The following KHDRBS3 variants were observed in gnomAD, a reference collection of about 807,000 sequenced individuals.
KHDRBS3 encodes KH RNA binding domain containing, signal transduction associated 3, also known as KH domain-containing, RNA-binding, signal transduction-associated protein 3.
KHDRBS3 carries 23 observed loss-of-function variants against 45.6 expected under a neutral mutation model. That is an observed-to-expected ratio of 0.50 (90% CI 0.36 to 0.72). The LOEUF is 0.72. Among genes scored for constraint, KHDRBS3 ranks in the 30% least tolerant of loss-of-function variants. The probability of loss-of-function intolerance (pLI) is 0.00; values close to 1 mark genes in which losing one functional copy is unlikely to be tolerated. For missense variants in KHDRBS3, 352 were observed against 424.8 expected (o/e 0.83, Z 1.51); for synonymous variants, 162 against 156.5 (o/e 1.04, Z -0.26).
At chr8:135,459,858 A>C (rs1283135942) in intron 1 of KHDRBS3, among the ~76,000 whole-genome samples, 1 of 152,166 alleles carries the variant, frequency 6.6e-6, no homozygotes, top group East Asian at 1.9e-4. Flanking sequence ...GTTGCCATTT[A>C]GTGTTTTTTA....
chr8:135,557,229 T>C (rs1826931420), intron 4 of KHDRBS3, among the ~76,000 whole-genome samples: 1 of 152,254 alleles, frequency 6.6e-6, no homozygotes, highest in South Asian at 2.1e-4. Context: ...TGGCTGATTA[T>C]AGAAAATTTT....
chr8:135,460,260 G>A (rs751896907), intron 1 of KHDRBS3, among the ~76,000 whole-genome samples: 22 of 152,264 alleles, frequency 1.4e-4, no homozygotes, highest in Non-Finnish European at 2.9e-4. Flanking sequence ...GCACTAAATT[G>A]TAGAATGGGC....
intron 7 of KHDRBS3, among the ~76,000 whole-genome samples, chr8:135,629,626 A>G (rs1416342202): frequency 6.6e-6 from 1 of 152,198 alleles, no homozygotes; most frequent in Non-Finnish European, 1.5e-5. Context: ...CATAACAATA[A>G]TGGACTTTGT....
chr8:135,524,808 A>T (rs988313560), intron 2 of KHDRBS3, among the ~76,000 whole-genome samples: 10 of 151,950 alleles, frequency 6.6e-5, no homozygotes, highest in African/African-American at 2.4e-4. Flanking sequence ...ATTTTTTTAT[A>T]TCAGGAATCA....
intron 1 of KHDRBS3, among the ~76,000 whole-genome samples, chr8:135,513,294 A>G (rs868505669): frequency 2.6e-5 from 4 of 152,190 alleles, no homozygotes; most frequent in Admixed American, 6.5e-5. Context: ...CCCCTCAAGA[A>G]CTTACTGTCT....
chr8:135,644,142 C>T (rs1346341307), intron 7 of KHDRBS3, among the ~76,000 whole-genome samples: 48 of 152,154 alleles, frequency 3.2e-4, no homozygotes, highest in Admixed American at 3.1e-3. Flanking sequence ...ATGGTTATGG[C>T]TGAGTAATCT....
intron 6 of KHDRBS3, among the ~76,000 whole-genome samples, chr8:135,604,001 G>C (rs1355774315): frequency 2.6e-5 from 4 of 151,772 alleles, no homozygotes; most frequent in Non-Finnish European, 4.4e-5. Context: ...CTGAAAGTGT[G>C]TTGATGAAGT....
At chr8:135,538,883 G>A (rs1472361199) in intron 2 of KHDRBS3, 3 of 151,962 alleles carry the variant, frequency 2.0e-5, no homozygotes, top group African/African-American at 7.3e-5. Flanking sequence ...TTCTTGTTGC[G>A]AATACCGACT....
At chr8:135,528,741 T>C (rs1349945825) in intron 2 of KHDRBS3, among the ~76,000 whole-genome samples, 1 of 152,198 alleles carries the variant, frequency 6.6e-6, no homozygotes, top group East Asian at 1.9e-4. Context: ...GCCACCTGCA[T>C]TTGGTGTGTG....
intron 7 of KHDRBS3, among the ~76,000 whole-genome samples, chr8:135,620,972 G>A (rs966215913): frequency 2.6e-5 from 4 of 152,170 alleles, no homozygotes; most frequent in African/African-American, 9.7e-5. Context: ...ATCTATGTGT[G>A]TTCTTCAGTT....
intron 5 of KHDRBS3, among the ~76,000 whole-genome samples, chr8:135,568,538 A>G (rs1323377295): frequency 9.9e-5 from 15 of 152,240 alleles, no homozygotes; most frequent in Non-Finnish European, 1.2e-4. Flanking sequence ...AGAATAATGC[A>G]TTATAAAAGG....
chr8:135,522,281 A>G (rs1824952977), intron 2 of KHDRBS3, among the ~76,000 whole-genome samples: 1 of 152,086 alleles, frequency 6.6e-6, no homozygotes, highest in South Asian at 2.1e-4. Context: ...ACATGATCTC[A>G]TTCCTCTTTA....
At chr8:135,498,725 T>TA (rs1419231641) in intron 1 of KHDRBS3, among the ~76,000 whole-genome samples, 2 of 152,216 alleles carry the variant, frequency 1.3e-5, no homozygotes, top group African/African-American at 4.8e-5. Context: ...AAAATATCAT[T>TA]ACGTATGCAT....
intron 7 of KHDRBS3, among the ~76,000 whole-genome samples, chr8:135,613,557 G>T (rs1829791573): frequency 6.6e-6 from 1 of 151,656 alleles, no homozygotes; most frequent in African/African-American, 2.4e-5. Flanking sequence ...CACAGTGTGA[G>T]CCCGAGTTCC....
At chr8:135,538,761 G>A (rs1825900825) in intron 2 of KHDRBS3, 1 of 152,104 alleles carries the variant, frequency 6.6e-6, no homozygotes, top group African/African-American at 2.4e-5. Flanking sequence ...GACATCAGGA[G>A]GTGTTATGGG....
chr8:135,586,104 G>A (rs993401981), intron 6 of KHDRBS3, among the ~76,000 whole-genome samples: 4 of 152,196 alleles, frequency 2.6e-5, no homozygotes, highest in African/African-American at 9.7e-5. Context: ...AAAGAAGGAT[G>A]TAATATTTGA....
intron 1 of KHDRBS3, among the ~76,000 whole-genome samples, chr8:135,491,293 A>G (rs1188952411): frequency 1.3e-5 from 2 of 152,104 alleles, no homozygotes; most frequent in African/African-American, 4.8e-5. Context: ...GTCCCTAGAT[A>G]ATTGTGAGGT....
chr8:135,512,445 ACT>A, intron 1 of KHDRBS3, among the ~76,000 whole-genome samples: 1 of 139,002 alleles, frequency 7.2e-6, no homozygotes, highest in Middle Eastern at 3.7e-3. Flanking sequence ...GGGGGTAATA[ACT>A]CTATTGATCT....
intron 6 of KHDRBS3, among the ~76,000 whole-genome samples, chr8:135,588,269 T>C (rs927522821): frequency 6.6e-6 from 1 of 152,098 alleles, no homozygotes; most frequent in Non-Finnish European, 1.5e-5. Flanking sequence ...GCTAATTTGT[T>C]ATGAAAGGAT....
Sources: allele counts gnomAD v4.1 joint callset (sites outside exome capture counted in the v4.1 genomes callset), GRCh38; gene constraint gnomAD v4.1.1; transcripts MANE v1.5; gene names NCBI Gene and HGNC (gene_info 2026-07-23, HGNC 2026-07-21).